Variants in CALB2 observed in about 807,000 individuals in gnomAD.
The protein encoded by CALB2 is calbindin 2.
A neutral mutation model predicts 45.9 loss-of-function variants in CALB2; 34 were observed. That is an observed-to-expected ratio of 0.74 (90% CI 0.56 to 0.99). CALB2 has a LOEUF of 0.99. CALB2 is among the 50% of genes least tolerant of loss of function. The pLI, the probability that CALB2 is intolerant of heterozygous loss-of-function variation, is 0.00. For synonymous variants in CALB2, 142 were observed against 129.6 expected, an observed-to-expected ratio of 1.10 and a Z score of -0.65; for missense variants, 344 against 339.3, an observed-to-expected ratio of 1.01 and a Z score of -0.11.
intron 10 of CALB2, among the ~76,000 whole-genome samples, chr16:71,387,975 A>G (rs1366386626): frequency 6.6e-6 from 1 of 152,150 alleles, no homozygotes; most frequent in African/African-American, 2.4e-5. Context: ...GAGCCCTGAG[A>G]AAGAGGTGAC....
At chr16:71,386,898 T>C (rs558612124) in intron 10 of CALB2, among the ~76,000 whole-genome samples, 65 of 152,308 alleles carry the variant, frequency 4.3e-4, no homozygotes, top group Non-Finnish European at 8.2e-4. Flanking sequence ...CTACAATTAC[T>C]CTTGAAAGAG....
intron 8 of CALB2, among the ~76,000 whole-genome samples, 182 bp downstream of exon 8, chr16:71,384,560 C>CACACCACAT (rs1377598571): frequency 7.2e-6 from 1 of 138,274 alleles, no homozygotes; most frequent in Admixed American, 7.3e-5. Flanking sequence ...ACAGACCACA[C>CACACCACAT]ACACCACATA....
intron 1 of CALB2, among the ~76,000 whole-genome samples, chr16:71,369,335 C>T (rs1181758345): frequency 6.6e-6 from 1 of 152,066 alleles, no homozygotes; most frequent in Non-Finnish European, 1.5e-5. Context: ...CTGGGTACGA[C>T]AGAGGGAGGA....
At chr16:71,372,588 C>T (rs1163625792) in intron 2 of CALB2, among the ~76,000 whole-genome samples, 2 of 152,128 alleles carry the variant, frequency 1.3e-5, no homozygotes, top group Non-Finnish European at 2.9e-5. Context: ...AGATTGGATG[C>T]CCAGGAGGTT....
At chr16:71,387,403 G>A (rs893158674) in intron 10 of CALB2, among the ~76,000 whole-genome samples, 3 of 151,810 alleles carry the variant, frequency 2.0e-5, no homozygotes, top group Non-Finnish European at 4.4e-5. Context: ...GAGTGAATGA[G>A]TAGAAAGAGA....
chr16:71,363,052 C>T (rs894376938), intron 1 of CALB2, among the ~76,000 whole-genome samples: 51 of 149,078 alleles, frequency 3.4e-4, no homozygotes, highest in Admixed American at 1.3e-3. Flanking sequence ...GGTGTGGTGG[C>T]GCACGCCTGT....
chr16:71,374,865 G>C (rs1268107910), intron 3 of CALB2, 31 bp downstream of exon 3: 2 of 1,487,584 alleles, frequency 1.3e-6, no homozygotes, highest in Non-Finnish European at 1.9e-6. Flanking sequence ...AAAGAGCTGT[G>C]TGGGAGGGGC....
chr16:71,379,999 G>A (rs754135486), intron 4 of CALB2, among the ~76,000 whole-genome samples: 6 of 152,084 alleles, frequency 3.9e-5, no homozygotes, highest in East Asian at 1.9e-4. Context: ...AAAGTTCTGC[G>A]TATCCTTATA....
At chr16:71,369,211 C>T (rs186480426) in intron 1 of CALB2, among the ~76,000 whole-genome samples, 6 of 152,230 alleles carry the variant, frequency 3.9e-5, no homozygotes, top group Admixed American at 2.0e-4. Context: ...GCCAGCGCTG[C>T]GAGTGTATTA....
intron 1 of CALB2, among the ~76,000 whole-genome samples, chr16:71,361,060 C>G (rs971309181): frequency 2.6e-5 from 4 of 152,160 alleles, no homozygotes; most frequent in Non-Finnish European, 5.9e-5. Context: ...AGTTAAGCTA[C>G]CACCAAACCC....
intron 6 of CALB2, 122 bp downstream of exon 6, chr16:71,383,566 GTGGCAGCTGGC>G: frequency 1.2e-5 from 10 of 856,828 alleles, no homozygotes; most frequent in Admixed American, 1.1e-4. Context: ...GTGATTCACA[GTGGCAGCTGGC>G]AAAAAGGGAT....
chr16:71,384,217 C>A, intron 7 of CALB2, 122 bp from the exon 8 acceptor site: 2 of 1,002,126 alleles, frequency 2.0e-6, no homozygotes, highest in South Asian at 1.3e-5. Context: ...CCCACTGATT[C>A]ATTATGTGTG....
chr16:71,370,405 C>T (rs1041001823), intron 1 of CALB2, among the ~76,000 whole-genome samples: 3 of 152,100 alleles, frequency 2.0e-5, no homozygotes, highest in Non-Finnish European at 4.4e-5. Flanking sequence ...TGCTCAAGGG[C>T]TTTAGATCAA....
chr16:71,380,292 C>CTTTTTTTTTTTTTTTTTTTTTTTTTTTTT (rs544138378), intron 4 of CALB2, among the ~76,000 whole-genome samples: 1 of 43,798 alleles, frequency 2.3e-5, no homozygotes, highest in African/African-American at 8.3e-5. Flanking sequence ...CCTTCCTTTT[C>CTTTTTTTTTTTTTTTTTTTTTTTTTTTTT]TTTTTTTTTT....
intron 4 of CALB2, among the ~76,000 whole-genome samples, chr16:71,380,254 ATTTCTTTCT>A (rs200196412): frequency 0.035 from 3,138 of 89,216 alleles, 67 homozygotes; most frequent in Non-Finnish European, 0.052. Context: ...AGCTGACAGG[ATTTCTTTCT>A]TTTCTTTCTT....
chr16:71,367,651 T>C (rs80220423), intron 1 of CALB2, among the ~76,000 whole-genome samples: 15,034 of 152,234 alleles, frequency 0.099, 987 homozygotes, highest in East Asian at 0.31. Flanking sequence ...AGGCTGACCA[T>C]TGATGCTCTT....
Position 71,389,875 on chromosome 16 carries a change from G to T in CALB2, c.*10G>T. 6.3e-7 allele frequency: 1 copy of T among 1,588,360 alleles called. No individual in the cohort carries two copies. ...CGAGCCCCCCATGTAAAGTGGGGAC[G>T]GGGGCTGCTTCTCCACCTCCCCCAA... On this transcript the variant is annotated 3_prime_UTR_variant, in exon 11 of 11. Coordinates refer to ENST00000302628, the MANE Select transcript of CALB2 (RefSeq NM_001740.5).
intron 1 of CALB2, among the ~76,000 whole-genome samples, chr16:71,369,631 G>A (rs1358286567): frequency 2.0e-5 from 3 of 152,106 alleles, no homozygotes; most frequent in Non-Finnish European, 4.4e-5. Flanking sequence ...GGCTCCTGTG[G>A]CCTCTGCTTC....
intron 9 of CALB2, 56 bp from the exon 10 acceptor site, chr16:71,385,521 G>A (rs576829765): frequency 2.8e-5 from 42 of 1,518,630 alleles, no homozygotes; most frequent in Non-Finnish European, 3.5e-5. Flanking sequence ...GGAATGGGTC[G>A]GGACAGCAGG....
Sources: allele counts gnomAD v4.1 joint callset (sites outside exome capture counted in the v4.1 genomes callset), GRCh38; gene constraint gnomAD v4.1.1; transcripts MANE v1.5; gene names NCBI Gene and HGNC (gene_info 2026-07-23, HGNC 2026-07-21).